RAD51C: variants seen among roughly 807,000 people sequenced by gnomAD.
The protein encoded by RAD51C is RAD51 paralog C.
A neutral mutation model predicts 45.0 loss-of-function variants in RAD51C; 42 were observed. That is an observed-to-expected ratio of 0.93 (90% confidence interval 0.73 to 1.21). The LOEUF (loss-of-function observed/expected upper bound fraction) is 1.21, where lower values mean the gene tolerates loss of function less well. RAD51C is among the 50% of genes most tolerant of loss of function. The pLI is 0.00. For synonymous variants in RAD51C, 172 were observed against 159.8 expected, an observed-to-expected ratio of 1.08 and a Z score of -0.58; for missense variants, 474 against 452.2, an observed-to-expected ratio of 1.05 and a Z score of -0.44.
At chr17:58,707,211 A>ATT in intron 4 of RAD51C, among the ~76,000 whole-genome samples, 1 of 152,206 alleles carries the variant, frequency 6.6e-6, no homozygotes, top group South Asian at 2.1e-4. Context: ...CTTGTTCCTC[A>ATT]TTTCTGTATA....
At chr17:58,719,210 C>T (rs9895162) in intron 5 of RAD51C, among the ~76,000 whole-genome samples, 21,890 of 151,806 alleles carry the variant, frequency 0.14, 2,431 homozygotes, top group East Asian at 0.31. Context: ...GGCAACAGAG[C>T]GAGACTCAGT....
chr17:58,694,712 T>C, intron 1 of RAD51C: 1 of 529,640 alleles, frequency 1.9e-6, no homozygotes, highest in South Asian at 2.0e-5. Context: ...TGACCTCAGG[T>C]GATCTGGCTG....
intron 4 of RAD51C, among the ~76,000 whole-genome samples, chr17:58,707,390 G>A (rs1394161229): frequency 1.4e-4 from 22 of 152,056 alleles, no homozygotes; most frequent in Admixed American, 1.2e-3. Flanking sequence ...GTGTGGTGGC[G>A]TGTGCCTGTT....
rs757139956 is a variant in RAD51C at position 58,699,227 on chromosome 17, C to T, written c.571+2368C>T. Among the ~76,000 whole-genome samples the T allele has an allele frequency of 5.8e-4, 88 of 151,908 alleles. 1 individual carries two copies. Among genetic ancestry groups the T allele is most frequent in the Non-Finnish European group, 1.1e-3 (74 of 67,988 alleles). The stretch of plus-strand genomic sequence containing the variant: ...TTCACCATGCTGGCCAGGCTGGTCT[C>T]GAACTCCTGACCTTGTGATCTTCCC... On this transcript the variant is annotated intron_variant, in intron 3 of 8. Coordinates refer to ENST00000337432, the MANE Select transcript of RAD51C (RefSeq NM_058216.3).
At chr17:58,713,116 AC>A (rs1315674625) in intron 5 of RAD51C, among the ~76,000 whole-genome samples, 1 of 152,158 alleles carries the variant, frequency 6.6e-6, no homozygotes, top group African/African-American at 2.4e-5. Flanking sequence ...GCAGAGCAAG[AC>A]CCTGTCTTCA....
At chr17:58,695,506 C>A in intron 2 of RAD51C, 1 of 376,648 alleles carries the variant, frequency 2.7e-6, no homozygotes, top group Middle Eastern at 1.3e-3. Flanking sequence ...AGATTTATGG[C>A]TAGGGGTAGT....
chr17:58,706,482 C>A (rs1162411264), intron 4 of RAD51C: 1 of 408,588 alleles, frequency 2.4e-6, no homozygotes, highest in Non-Finnish European at 5.0e-6. Flanking sequence ...GATGCTCTGC[C>A]TTCCAGGCCC....
chr17:58,714,975 C>A (rs1242894019), intron 5 of RAD51C, among the ~76,000 whole-genome samples: 1 of 151,948 alleles, frequency 6.6e-6, no homozygotes, highest in Non-Finnish European at 1.5e-5. Context: ...AAAAAAGAAA[C>A]CCCAACCTCA....
Position 58,708,327 on chromosome 17 carries a change from A to G in RAD51C, c.706-1532A>G, listed in dbSNP as rs185528813. On this transcript the variant is annotated intron_variant, in intron 4 of 8. Transcript: ENST00000337432. ...TTACCTTATTTGTGTGTTTGTTTGC[A>G]TATTAATGGTCCCTTACTCCACTAA... Among the ~76,000 whole-genome samples, 10 of 151,946 alleles carry G rather than the reference A, an allele frequency of 6.6e-5. No homozygotes were observed. The East Asian group carries it at 1.7e-3, about 26-fold the overall frequency.
chr17:58,723,764 C>T (rs1418523772), intron 6 of RAD51C, among the ~76,000 whole-genome samples: 2 of 150,350 alleles, frequency 1.3e-5, no homozygotes, highest in Non-Finnish European at 3.0e-5. Flanking sequence ...GTCAGAAATA[C>T]GTTAGGCTTG....
chr17:58,708,893 T>G (rs918960052), intron 4 of RAD51C, among the ~76,000 whole-genome samples: 2 of 151,548 alleles, frequency 1.3e-5, no homozygotes, highest in African/African-American at 4.9e-5. Context: ...TTTTTGTTTT[T>G]TGTTTTAGGA....
Position 58,695,082 on chromosome 17 carries a change from C to T in RAD51C, c.297C>T (p.Phe99=), listed in dbSNP as rs2143723622. ...TTGAGCAGGAGCATACCCAGGGCTT[C>T]ATAATCACCTTCTGTTCAGCACTAG... ...ELLEQEHTQG[F]IITFCSALDD... The change falls in exon 2 of 9, where the codon TTC becomes TTT. Residue 99 remains phenylalanine, a synonymous_variant. Transcript: ENST00000337432. 6.2e-7 allele frequency: 1 copy of T among 1,614,108 alleles called. No homozygotes were observed. Among genetic ancestry groups the T allele is most frequent in the African/African-American group, 1.3e-5 (1 of 75,024 alleles).
chr17:58,692,918 C>A, intron 1 of RAD51C, 130 bp downstream of exon 1: 1 of 1,344,116 alleles, frequency 7.4e-7, no homozygotes, highest in Non-Finnish European at 1.0e-6. Flanking sequence ...ATGTTTACAG[C>A]GTGAAAGAGC....
chr17:58,721,647 T>C (rs1388571045), intron 6 of RAD51C, among the ~76,000 whole-genome samples: 1 of 151,638 alleles, frequency 6.6e-6, no homozygotes, highest in Non-Finnish European at 1.5e-5. Flanking sequence ...TAATCCCAGC[T>C]ACTTGGGAGG....
At chr17:58,730,436 C>T (rs2049375567) in intron 7 of RAD51C, among the ~76,000 whole-genome samples, 1 of 151,950 alleles carries the variant, frequency 6.6e-6, no homozygotes, top group African/African-American at 2.4e-5. Context: ...CTCAGCCTCC[C>T]AAAGTGCTGG....
At chr17:58,700,357 ATG>A (rs2048170805) in intron 3 of RAD51C, 1 of 152,108 alleles carries the variant, frequency 6.6e-6, no homozygotes, top group African/African-American at 2.4e-5. Context: ...CTATTTCACA[ATG>A]TGTGTTTGTA....
chr17:58,720,091 G>A (rs2048863398), intron 5 of RAD51C, among the ~76,000 whole-genome samples: 2 of 150,478 alleles, frequency 1.3e-5, no homozygotes, highest in Admixed American at 1.3e-4. Flanking sequence ...TTAAATGGCT[G>A]GCTATAATAG....
chr17:58,707,218 T>C (rs2048404571), intron 4 of RAD51C, among the ~76,000 whole-genome samples: 2 of 152,280 alleles, frequency 1.3e-5, no homozygotes, highest in Non-Finnish European at 2.9e-5. Flanking sequence ...CTCATTTCTG[T>C]ATAAATCCTC....
chr17:58,696,641 C>T (rs2143741692), intron 2 of RAD51C, 52 bp from the exon 3 acceptor site: 2 of 1,611,024 alleles, frequency 1.2e-6, no homozygotes, highest in East Asian at 2.2e-5. Flanking sequence ...TTCAAAAACA[C>T]TACCTTAGAT....
Sources: gnomAD v4.1 joint callset for allele counts (sites outside exome capture counted in the v4.1 genomes callset) on GRCh38, gnomAD v4.1.1 for gene constraint, MANE v1.5 for transcripts, NCBI Gene and HGNC (gene_info 2026-07-23, HGNC 2026-07-21) for gene names.